Variants in CAP1 observed in about 807,000 individuals in gnomAD.
CAP1 encodes the protein adenylyl cyclase-associated protein 1.
In CAP1, 11 loss-of-function variants were observed where a neutral mutation model predicts 58.2. The ratio of observed to expected loss-of-function variants is 0.19; its 90% CI spans 0.12 to 0.31. The LOEUF is 0.31. CAP1 is among the 10% of genes least tolerant of loss of function. The pLI is 1.00. For synonymous variants in CAP1, 183 were observed against 213.8 expected (o/e 0.86, Z 1.26); for missense variants, 423 against 587.5 (o/e 0.72, Z 2.89).
Position 40,072,268 on chromosome 1 carries a change from A to AAAAC in CAP1, c.*736_*739dup, listed in dbSNP as rs1557702607. On this transcript the variant is annotated 3_prime_UTR_variant, in exon 13 of 13. Transcript: ENST00000372805. ...CTTTAAAAGGAAAAAAAAAAAAAAAAAAACCCACATGATTTCAAGGAGTCT... is the reference window on the plus strand; with the variant it reads ...CTTTAAAAGGAAAAAAAAAAAAAAAAAAACAAACCCACATGATTTCAAGGAGTCT... 60 of 333,944 alleles carry AAAAC rather than the reference A, an allele frequency of 1.8e-4. No individual in the cohort carries two copies. The highest frequency in any genetic ancestry group is 5.6e-4 in the East Asian group (13 of 23,044). The allele number at this position is 333,944 out of a possible 1,614,324, so 20.7% of individuals were successfully genotyped here. A position where few individuals can be genotyped will look rare whatever the true frequency, so the allele number is the denominator to read the frequency against.
At chr1:40,062,168 G>T (rs1213891243) in intron 4 of CAP1, among the ~76,000 whole-genome samples, 1 of 152,066 alleles carries the variant, frequency 6.6e-6, no homozygotes, top group Non-Finnish European at 1.5e-5. Flanking sequence ...CTCCTGTGGA[G>T]ATCTTAAAAC....
At chr1:40,070,045 AG>A (rs1647560780) in intron 9 of CAP1, 113 bp from the exon 10 acceptor site, 2 of 1,488,310 alleles carry the variant, frequency 1.3e-6, no homozygotes, top group Non-Finnish European at 1.8e-6. Context: ...GAGCTTAGCT[AG>A]ATGAGGGCAG....
intron 8 of CAP1, chr1:40,069,440 A>T: frequency 2.8e-6 from 1 of 360,102 alleles, no homozygotes; most frequent in Non-Finnish European, 5.0e-6. Context: ...GACATAGAGG[A>T]TAAGGATTTA....
chr1:40,070,338 T>C (rs1647649590), intron 10 of CAP1, 56 bp downstream of exon 10: 1 of 1,611,614 alleles, frequency 6.2e-7, no homozygotes, highest in Non-Finnish European at 8.5e-7. Context: ...AGAAGGCTAA[T>C]ACCATTTTAC....
At chr1:40,051,906 C>A (rs1441566902) in intron 1 of CAP1, among the ~76,000 whole-genome samples, 3 of 152,078 alleles carry the variant, frequency 2.0e-5, no homozygotes, top group African/African-American at 4.8e-5. Context: ...TAAATAAAAG[C>A]AGAAAAACTT....
At chr1:40,060,911 C>A (rs1238339368) in intron 3 of CAP1, among the ~76,000 whole-genome samples, 1 of 152,164 alleles carries the variant, frequency 6.6e-6, no homozygotes, top group Non-Finnish European at 1.5e-5. Context: ...GGTGTGGAGG[C>A]TTGCATTTTT....
At chr1:40,040,691 G>A (rs1474263697), upstream of CAP1, 1 of 152,752 alleles carries the variant, frequency 6.5e-6, no homozygotes. Context: ...TCCGGTGGGG[G>A]CGCCGCGCCC....
In CAP1 at chr1:40,061,153, G is replaced by A. The variant is rs1257935049; in HGVS notation, c.217-582G>A. On this transcript the variant is annotated intron_variant, in intron 3 of 12. Coordinates refer to ENST00000372805, the MANE Select transcript of CAP1 (RefSeq NM_006367.4). ...AGATGATATTTATACTACTTCTGCT[G>A]TACTTTTTTTTTTTTTAACTTTTTA... is the stretch of plus-strand genomic sequence containing the variant. 2.6e-5 allele frequency among the ~76,000 whole-genome samples: 2 copies of A among 78,366 alleles called. 1 individual carries two copies. Among genetic ancestry groups the A allele is most frequent in the African/African-American group, 1.0e-4 (2 of 19,236 alleles). The allele number at this position is 78,366 out of a possible 152,430, so 51.4% of individuals were successfully genotyped here. A position where few individuals can be genotyped will look rare whatever the true frequency, so the allele number is the denominator to read the frequency against.
At chr1:40,057,272 C>T (rs1646656519) in intron 1 of CAP1, among the ~76,000 whole-genome samples, 1 of 152,164 alleles carries the variant, frequency 6.6e-6, no homozygotes, top group Non-Finnish European at 1.5e-5. Flanking sequence ...GAGTTTATTG[C>T]GTTCCTTGCC....
At chr1:40,068,019 A>G (rs1647179835) in intron 8 of CAP1, among the ~76,000 whole-genome samples, 1 of 152,242 alleles carries the variant, frequency 6.6e-6, no homozygotes, top group African/African-American at 2.4e-5. Context: ...GTGGCACCAC[A>G]TGGCCTCTGG....
At chr1:40,062,639 C>T (rs111666613) in intron 4 of CAP1, among the ~76,000 whole-genome samples, 4,483 of 151,976 alleles carry the variant, frequency 0.029, 106 homozygotes, top group Non-Finnish European at 0.045. Context: ...GTGGTGCATG[C>T]GTATAGTCCC....
At chr1:40,061,214 T>C (rs1354374481) in intron 3 of CAP1, among the ~76,000 whole-genome samples, 2 of 152,058 alleles carry the variant, frequency 1.3e-5, no homozygotes, top group African/African-American at 4.8e-5. Context: ...ACTGCACTCA[T>C]ACTTTTGTTC....
intron 1 of CAP1, among the ~76,000 whole-genome samples, chr1:40,046,973 A>G (rs1380165810): frequency 3.9e-5 from 6 of 151,990 alleles, no homozygotes; most frequent in Admixed American, 1.3e-4. Flanking sequence ...GGGTTTAACT[A>G]TATTGGCCAG....
chr1:40,055,908 T>C (rs772417335), intron 1 of CAP1, among the ~76,000 whole-genome samples: 4 of 152,160 alleles, frequency 2.6e-5, no homozygotes, highest in Admixed American at 6.6e-5. Context: ...TAAGATGTTG[T>C]GGGGGAGTTT....
chr1:40,059,147 G>A (rs1429434888), intron 1 of CAP1, among the ~76,000 whole-genome samples, 190 bp from the exon 2 acceptor site: 1 of 152,050 alleles, frequency 6.6e-6, no homozygotes, highest in African/African-American at 2.4e-5. Flanking sequence ...TTGTAAATAT[G>A]CTACTTTTTT....
chr1:40,060,979 T>A (rs1646823955), intron 3 of CAP1, among the ~76,000 whole-genome samples: 1 of 152,230 alleles, frequency 6.6e-6, no homozygotes, highest in Non-Finnish European at 1.5e-5. Flanking sequence ...ATTTGTATTT[T>A]AAAAATGCAA....
chr1:40,044,937 C>T (rs1356858530), intron 1 of CAP1, among the ~76,000 whole-genome samples: 7 of 151,678 alleles, frequency 4.6e-5, no homozygotes, highest in Non-Finnish European at 2.9e-5. Flanking sequence ...GCTGGGACTA[C>T]AGGCGCCCGC....
intron 8 of CAP1, among the ~76,000 whole-genome samples, chr1:40,068,210 A>G (rs1483258717): frequency 6.6e-6 from 1 of 152,214 alleles, no homozygotes; most frequent in African/African-American, 2.4e-5. Flanking sequence ...TGGTGTAACA[A>G]CCTAAATCCA....
chr1:40,060,755 A>G (rs540430372), intron 3 of CAP1, among the ~76,000 whole-genome samples: 2 of 151,380 alleles, frequency 1.3e-5, no homozygotes, highest in South Asian at 4.2e-4. Flanking sequence ...CGAATTATAA[A>G]CAGTAACCAT....
Sources: allele counts gnomAD v4.1 joint callset (sites outside exome capture counted in the v4.1 genomes callset), GRCh38; gene constraint gnomAD v4.1.1; transcripts MANE v1.5; gene names NCBI Gene and HGNC (gene_info 2026-07-23, HGNC 2026-07-21).